Variants in ZNF827 observed in about 807,000 individuals in gnomAD.
The protein encoded by ZNF827 is zinc finger protein 827.
In ZNF827, 13 loss-of-function variants were observed where a neutral mutation model predicts 102.4. The ratio of observed to expected loss-of-function variants is 0.13; its 90% CI spans 0.08 to 0.20. The LOEUF (loss-of-function observed/expected upper bound fraction) is 0.20. Ranked by LOEUF, ZNF827 falls within the 10% of genes least tolerant of loss-of-function variation. ZNF827 has a pLI of 1.00. For synonymous variants in ZNF827, 523 were observed against 536.2 expected, an observed-to-expected ratio of 0.98 and a Z score of 0.34; for missense variants, 1,103 against 1,344.4, an observed-to-expected ratio of 0.82 and a Z score of 2.81.
chr4:145,813,727 C>A (rs1284377054), intron 8 of ZNF827, among the ~76,000 whole-genome samples: 1 of 152,176 alleles, frequency 6.6e-6, no homozygotes, highest in Non-Finnish European at 1.5e-5. Context: ...AGGAAGCCCC[C>A]CTTGCCGGCA....
chr4:145,886,230 T>A, intron 3 of ZNF827, 72 bp from the exon 4 acceptor site: 1 of 1,501,280 alleles, frequency 6.7e-7, no homozygotes, highest in African/African-American at 1.4e-5. Flanking sequence ...AGATCCAGAC[T>A]ATTCATCAAT....
Position 145,938,439 on chromosome 4 carries a change from T to C in ZNF827, c.-32A>G, listed in dbSNP as rs376722999. ...CCTTTTCTCACATTCTCCTCCTTGG[T>C]TAATGTGAGATCAAATAAACCCCCG... On this transcript the variant is annotated 5_prime_UTR_variant, in exon 1 of 15. Coordinates refer to ENST00000508784, the MANE Select transcript of ZNF827 (RefSeq NM_001306215.2). 1.2e-5 allele frequency: 19 copies of C among 1,562,198 alleles called. No homozygotes were observed. The highest frequency in any genetic ancestry group is 1.6e-5 in the Non-Finnish European group (18 of 1,152,904).
At chr4:145,783,653 A>C (rs907508425) in intron 8 of ZNF827, among the ~76,000 whole-genome samples, 4 of 152,346 alleles carry the variant, frequency 2.6e-5, no homozygotes, top group African/African-American at 9.6e-5. Context: ...AGTTCTGAGA[A>C]GGCTTTTGCT....
chr4:145,929,692 G>A (rs2126990173), intron 1 of ZNF827, among the ~76,000 whole-genome samples: 1 of 152,150 alleles, frequency 6.6e-6, no homozygotes, highest in Non-Finnish European at 1.5e-5. Flanking sequence ...TTCCAGGTCA[G>A]AAATACCTGT....
Position 145,870,182 on chromosome 4 carries a change from GCAGTC to G in ZNF827, c.1981+58_1981+62del, listed in dbSNP as rs879439885. ...GGGTTAATTATAACCCATGCAGGAA[GCAGTC>G]CAGTTGGCCTGCAAGTGAAACTATC... is the stretch of plus-strand genomic sequence containing the variant. On this transcript the variant is annotated intron_variant, in intron 5 of 14. Coordinates refer to ENST00000508784, the MANE Select transcript of ZNF827 (RefSeq NM_001306215.2). 400 of 1,506,174 alleles carry G rather than the reference GCAGTC, an allele frequency of 2.7e-4. 1 individual carries two copies. Among genetic ancestry groups the G allele is most frequent in the Non-Finnish European group, 3.4e-4 (373 of 1,092,464 alleles). The allele number at this position is 1,506,174 out of a possible 1,614,324, so 93.3% of individuals were successfully genotyped here.
At chr4:145,817,930 A>AT (rs1456047212) in intron 8 of ZNF827, among the ~76,000 whole-genome samples, 2 of 152,232 alleles carry the variant, frequency 1.3e-5, no homozygotes, top group Non-Finnish European at 2.9e-5. Flanking sequence ...CAGATGATCC[A>AT]TTAAAAACTA....
intron 5 of ZNF827, among the ~76,000 whole-genome samples, chr4:145,857,256 A>G (rs1747237215): frequency 6.6e-6 from 1 of 152,256 alleles, no homozygotes; most frequent in Non-Finnish European, 1.5e-5. Flanking sequence ...AGCACCAGGT[A>G]TTCTATTTTG....
At chr4:145,781,053 G>A (rs1449860238) in intron 8 of ZNF827, among the ~76,000 whole-genome samples, 4 of 151,862 alleles carry the variant, frequency 2.6e-5, no homozygotes, top group African/African-American at 4.8e-5. Flanking sequence ...AAATTTAGCC[G>A]GGCGTGGTGG....
chr4:145,856,056 G>A (rs902297575), intron 5 of ZNF827, among the ~76,000 whole-genome samples: 13 of 151,310 alleles, frequency 8.6e-5, no homozygotes, highest in African/African-American at 2.9e-4. Context: ...GTGCAATGGC[G>A]CAAGCTTGGC....
chr4:145,833,726 C>T (rs1369839465), intron 7 of ZNF827, among the ~76,000 whole-genome samples: 2 of 151,766 alleles, frequency 1.3e-5, no homozygotes, highest in African/African-American at 4.8e-5. Flanking sequence ...TTTCCGTGCC[C>T]CAACCTCTTA....
chr4:145,789,185 G>A (rs142636012), intron 8 of ZNF827, among the ~76,000 whole-genome samples: 8 of 152,218 alleles, frequency 5.3e-5, no homozygotes, highest in East Asian at 1.9e-4. Flanking sequence ...GTGGGTCCTC[G>A]ATATTTTCCT....
intron 7 of ZNF827, among the ~76,000 whole-genome samples, chr4:145,843,043 G>A (rs895902746): frequency 2.0e-5 from 3 of 152,118 alleles, no homozygotes; most frequent in Non-Finnish European, 4.4e-5. Context: ...TAAAACAGGA[G>A]TCAGGAAAGA....
chr4:145,833,646 C>T (rs1744495287), intron 7 of ZNF827, among the ~76,000 whole-genome samples: 1 of 152,110 alleles, frequency 6.6e-6, no homozygotes, highest in Admixed American at 6.5e-5. Context: ...TGCACCCCAA[C>T]CTCTTATCTC....
In ZNF827 at chr4:145,902,794, G is replaced by C; in HGVS notation, c.465C>G (p.Ser155=). 1 of 1,614,168 alleles carries C rather than the reference G, an allele frequency of 6.2e-7. No homozygotes were observed. Among genetic ancestry groups the C allele is most frequent in the Non-Finnish European group, 8.5e-7 (1 of 1,180,040 alleles). The change falls in exon 2 of 15, where the codon TCC becomes TCG. Residue 155 remains serine (S), a synonymous_variant. Transcript: ENST00000508784. This position sits in a 1 kb window ranked among gnomAD's most constrained non-coding sequence, Gnocchi z 4.3. ...ESPVNVGSNL[S]FSPPSHHAQQ... ...GGGCGTGGTGGGAAGGCGGGGAAAA[G>C]GAGAGGTTCGAGCCAACGTTTACGG...
At chr4:145,849,237 G>GT (rs71973224) in intron 6 of ZNF827, 85 bp downstream of exon 6, 17,360 of 1,305,546 alleles carry the variant, frequency 0.013, 2 homozygotes, top group Middle Eastern at 0.016. Flanking sequence ...TATAATTCAG[G>GT]TTTTTTTTTT....
Position 145,885,647 on chromosome 4 carries a change from AG to A in ZNF827, c.1747+30del, listed in dbSNP as rs1295056447. On this transcript the variant is annotated intron_variant, in intron 4 of 14. Transcript: ENST00000508784. ...GAGAGAGAGAGAGAGAGAGAGAGAG[AG>A]AGAGAGAGAATACAACCCTATTCAA... is the stretch of plus-strand genomic sequence containing the variant. 3.3e-6 allele frequency: 5 copies of A among 1,494,848 alleles called. No homozygotes were observed. The East Asian group carries it at 9.4e-5, about 28-fold the overall frequency. 92.6% of individuals were successfully genotyped at this position (1,494,848 alleles called of 1,614,324 possible). A position where few individuals can be genotyped will look rare whatever the true frequency, so the allele number is the denominator to read the frequency against.
rs956106102 is a variant in ZNF827, at chr4:145,761,127, C to T, written c.*489G>A. 3 of 1,289,500 alleles carry T rather than the reference C, an allele frequency of 2.3e-6. No individual in the cohort carries two copies. In the African/African-American group the frequency reaches 4.6e-5, roughly 20 times the overall value. 79.9% of individuals were successfully genotyped at this position (1,289,500 alleles called of 1,614,324 possible). A position where few individuals can be genotyped will look rare whatever the true frequency, so the allele number is the denominator to read the frequency against. Reference sequence around the variant, plus strand: ...AGCTCCCGACCACCAGGAGCGGGGCCCCCGGGCCGGCCGGTTCCTTGGGGG... The same window carrying T: ...AGCTCCCGACCACCAGGAGCGGGGCTCCCGGGCCGGCCGGTTCCTTGGGGG... On this transcript the variant is annotated 3_prime_UTR_variant, in exon 15 of 15. Coordinates refer to ENST00000508784, the MANE Select transcript of ZNF827 (RefSeq NM_001306215.2). This position sits in a 1 kb window ranked among gnomAD's most constrained non-coding sequence, Gnocchi z 6.8.
Position 145,760,703 on chromosome 4 carries a change from T to G in ZNF827, c.*913A>C. 6.9e-6 allele frequency: 7 copies of G among 1,008,286 alleles called. No homozygotes were observed. Among genetic ancestry groups the G allele is most frequent in the South Asian group, 2.6e-5 (1 of 39,176 alleles). 62.5% of individuals were successfully genotyped at this position (1,008,286 alleles called of 1,614,324 possible). A position where few individuals can be genotyped will look rare whatever the true frequency, so the allele number is the denominator to read the frequency against. On this transcript the variant is annotated 3_prime_UTR_variant, in exon 15 of 15. Coordinates refer to ENST00000508784, the MANE Select transcript of ZNF827 (RefSeq NM_001306215.2). ...TGCAGCAACATACACCTGCTGGGGT[T>G]GTGTTTAAGTTTTGTGGTTTTTTTT...
In ZNF827 at chr4:145,924,418, T is replaced by C. The variant is rs537951515; in HGVS notation, c.43+13947A>G. Among the ~76,000 whole-genome samples, 7 of 152,302 alleles carry C rather than the reference T, an allele frequency of 4.6e-5. No individual in the cohort carries two copies. In the South Asian group the frequency reaches 1.5e-3, roughly 32 times the overall value. On this transcript the variant is annotated intron_variant, in intron 1 of 14. Coordinates refer to ENST00000508784, the MANE Select transcript of ZNF827 (RefSeq NM_001306215.2). ...ATACTATTTTTTTTAAGAGCACATA[T>C]TATATCACCTTCAAAGGGAGACACA...
Sources: allele counts gnomAD v4.1 joint callset (sites outside exome capture counted in the v4.1 genomes callset), GRCh38; gene constraint gnomAD v4.1.1; non-coding constraint Gnocchi (gnomAD v3.1); transcripts MANE v1.5; gene names NCBI Gene and HGNC (gene_info 2026-07-23, HGNC 2026-07-21).